The following ZNF385D variants were observed in gnomAD, a reference collection of about 807,000 sequenced individuals.
ZNF385D encodes zinc finger protein 659.
Under a neutral mutation model 35.8 loss-of-function variants are expected in ZNF385D, and 15 were observed. The observed-to-expected ratio is 0.42, with a 90% CI of 0.28 to 0.64. ZNF385D has a LOEUF of 0.64. ZNF385D is among the 30% of genes least tolerant of loss of function. ZNF385D has a pLI of 0.23. For missense variants in ZNF385D, 474 were observed against 494.6 expected, an observed-to-expected ratio of 0.96 and a Z score of 0.39; for synonymous variants, 212 against 186.8, an observed-to-expected ratio of 1.13 and a Z score of -1.10.
intron 3 of ZNF385D, among the ~76,000 whole-genome samples, chr3:21,984,750 C>G (rs1442986859): frequency 8.3e-6 from 1 of 120,108 alleles, no homozygotes; most frequent in Admixed American, 8.1e-5. Flanking sequence ...TATAAATTAC[C>G]TTGGGCAGTA....
chr3:21,834,824 C>G (rs11710449), intron 3 of ZNF385D, among the ~76,000 whole-genome samples: 1 of 151,838 alleles, frequency 6.6e-6, no homozygotes, highest in Admixed American at 6.6e-5. Context: ...TGAGTTCTCA[C>G]GACATCTGGT....
intron 3 of ZNF385D, among the ~76,000 whole-genome samples, chr3:22,060,070 T>C (rs1699613159): frequency 6.6e-6 from 1 of 152,204 alleles, no homozygotes; most frequent in South Asian, 2.1e-4. Context: ...TTCCAGGATT[T>C]ATACAGCCTT....
intron 3 of ZNF385D, among the ~76,000 whole-genome samples, chr3:22,131,419 A>G (rs565031629): frequency 2.0e-5 from 3 of 152,316 alleles, no homozygotes; most frequent in Admixed American, 6.5e-5. Context: ...GTGTTTTTCT[A>G]TAAGGGGAAA....
intron 2 of ZNF385D, among the ~76,000 whole-genome samples, chr3:21,657,235 C>T (rs952409288): frequency 6.6e-5 from 10 of 151,912 alleles, no homozygotes; most frequent in African/African-American, 2.4e-4. Context: ...GAAATTGTTG[C>T]ATTCTCTTTA....
At chr3:22,345,360 A>G (rs758704617) in intron 2 of ZNF385D, among the ~76,000 whole-genome samples, 15 of 152,218 alleles carry the variant, frequency 9.9e-5, no homozygotes, top group Non-Finnish European at 1.5e-4. Flanking sequence ...TACATTTTCA[A>G]TGACTGAAAG....
intron 3 of ZNF385D, among the ~76,000 whole-genome samples, chr3:22,075,507 T>G (rs1297826223): frequency 6.6e-6 from 1 of 151,856 alleles, no homozygotes; most frequent in African/African-American, 2.4e-5. Flanking sequence ...CACTCTCTCC[T>G]TAACAAATCT....
At chr3:21,614,823 G>A (rs1281960107) in intron 2 of ZNF385D, among the ~76,000 whole-genome samples, 1 of 152,136 alleles carries the variant, frequency 6.6e-6, no homozygotes, top group Admixed American at 6.5e-5. Context: ...TCTTGACCTC[G>A]TGATCTGCCT....
At chr3:21,902,958 C>G (rs1699485862) in intron 3 of ZNF385D, among the ~76,000 whole-genome samples, 1 of 152,124 alleles carries the variant, frequency 6.6e-6, no homozygotes, top group Non-Finnish European at 1.5e-5. Flanking sequence ...CTAACCTCAT[C>G]AATACAGACC....
chr3:21,779,896 T>C (rs754269437), intron 3 of ZNF385D, among the ~76,000 whole-genome samples: 4 of 151,902 alleles, frequency 2.6e-5, no homozygotes, highest in Non-Finnish European at 5.9e-5. Flanking sequence ...TCATACTTAG[T>C]CCGAAAATTA....
intron 2 of ZNF385D, among the ~76,000 whole-genome samples, chr3:22,355,131 A>T (rs767785415): frequency 5.9e-5 from 9 of 152,058 alleles, no homozygotes; most frequent in Non-Finnish European, 1.3e-4. Context: ...CATATCATGT[A>T]TCATGTTGTT....
chr3:21,803,991 G>C (rs984010009), intron 3 of ZNF385D, among the ~76,000 whole-genome samples: 1 of 152,130 alleles, frequency 6.6e-6, no homozygotes, highest in African/African-American at 2.4e-5. Context: ...TTCATATCAT[G>C]TTTACACAAT....
chr3:22,169,898 A>T (rs1694284240), intron 2 of ZNF385D, among the ~76,000 whole-genome samples: 1 of 152,196 alleles, frequency 6.6e-6, no homozygotes, highest in Non-Finnish European at 1.5e-5. Flanking sequence ...GGGCTCAAGC[A>T]GTCCCCCCAC....
intron 3 of ZNF385D, among the ~76,000 whole-genome samples, chr3:22,084,247 G>T (rs1374925465): frequency 6.6e-6 from 1 of 152,156 alleles, no homozygotes; most frequent in Non-Finnish European, 1.5e-5. Flanking sequence ...AACCTTAAAT[G>T]TAAATGGGCT....
chr3:22,183,533 T>C (rs1695424511), intron 2 of ZNF385D, among the ~76,000 whole-genome samples: 1 of 152,078 alleles, frequency 6.6e-6, no homozygotes, highest in Non-Finnish European at 1.5e-5. Context: ...AATTTTTGTA[T>C]TTTTAGTAGA....
At chr3:22,144,254 T>G (rs1704703877) in intron 3 of ZNF385D, among the ~76,000 whole-genome samples, 1 of 152,156 alleles carries the variant, frequency 6.6e-6, no homozygotes, top group African/African-American at 2.4e-5. Flanking sequence ...GTTTAAATTA[T>G]TTTAAACTTG....
At chr3:21,672,973 G>A (rs1340374908) in intron 1 of ZNF385D, among the ~76,000 whole-genome samples, 1 of 152,090 alleles carries the variant, frequency 6.6e-6, no homozygotes, top group Non-Finnish European at 1.5e-5. Flanking sequence ...ATATCCCTCT[G>A]TACTGCAGCC....
chr3:21,660,245 T>C lies in ZNF385D; in HGVS notation c.165+4641A>G, dbSNP rs2066197457. Among the ~76,000 whole-genome samples, 2 of 152,180 alleles carry C rather than the reference T, an allele frequency of 1.3e-5. 1 individual carries two copies. Among genetic ancestry groups the C allele is most frequent in the South Asian group, 4.1e-4 (2 of 4,832 alleles). On this transcript the variant is annotated intron_variant, in intron 2 of 7. Coordinates refer to ENST00000281523, the MANE Select transcript of ZNF385D (RefSeq NM_024697.3). ...ATATGCTAATTTACATTTTTAATGT[T>C]AAAGAACCATCAGCCAAAGCTAGCT...
chr3:22,310,743 G>C lies in ZNF385D; in HGVS notation c.106+61707C>G, dbSNP rs969170258. The stretch of plus-strand genomic sequence containing the variant: ...TCTGGAAGTGAAAATTATATACGCT[G>C]TTTTCATTTGTAGAACTTTTATGAT... On this transcript the variant is annotated intron_variant, in intron 2 of 5. Coordinates refer to the ZNF385D transcript ENST00000494108. Among the ~76,000 whole-genome samples the C allele has an allele frequency of 2.6e-5, 4 of 151,732 alleles. No individual in the cohort carries two copies. In the East Asian group the frequency reaches 7.7e-4, roughly 29 times the overall value.
At chr3:21,422,400 G>A (rs1377683028) in intron 7 of ZNF385D, among the ~76,000 whole-genome samples, 4 of 152,106 alleles carry the variant, frequency 2.6e-5, no homozygotes, top group Non-Finnish European at 5.9e-5. Flanking sequence ...ACATATACAG[G>A]TTTGTTATGT....
Sources: gnomAD v4.1 joint callset for allele counts (sites outside exome capture counted in the v4.1 genomes callset) on GRCh38, gnomAD v4.1.1 for gene constraint, MANE v1.5 for transcripts, NCBI Gene and HGNC (gene_info 2026-07-23, HGNC 2026-07-21) for gene names.